The following RASGRP1 variants were observed in gnomAD, a reference collection of about 807,000 sequenced individuals.
The protein encoded by RASGRP1 is RAS guanyl releasing protein 1.
In RASGRP1, 37 loss-of-function variants were observed where a neutral mutation model predicts 95.1. The observed-to-expected ratio is 0.39, with a 90% CI of 0.30 to 0.51. The LOEUF is 0.51. RASGRP1 is among the 20% of genes least tolerant of loss of function. The probability of loss-of-function intolerance (pLI) is 0.80; values close to 1 mark genes in which losing one functional copy is unlikely to be tolerated. For missense variants in RASGRP1, 711 were observed against 965.4 expected, an observed-to-expected ratio of 0.74 and a Z score of 3.49; for synonymous variants, 325 against 353.4, an observed-to-expected ratio of 0.92 and a Z score of 0.90.
At chr15:38,494,790 C>G (rs1191377405) in intron 15 of RASGRP1, 23 bp from the exon 16 acceptor site, 1 of 1,431,482 alleles carries the variant, frequency 7.0e-7, no homozygotes, top group African/African-American at 1.4e-5. Flanking sequence ...ACAGGACATG[C>G]TAGTACTCTA....
chr15:38,558,751 G>A (rs1265476925), intron 2 of RASGRP1, among the ~76,000 whole-genome samples: 1 of 152,228 alleles, frequency 6.6e-6, no homozygotes, highest in Admixed American at 6.5e-5. Context: ...GTTCAATGCT[G>A]TACTACATTG....
At chr15:38,498,405 C>T (rs1396518179) in intron 15 of RASGRP1, among the ~76,000 whole-genome samples, 1 of 152,122 alleles carries the variant, frequency 6.6e-6, no homozygotes, top group Non-Finnish European at 1.5e-5. Context: ...TGTTAATTTA[C>T]ATTATATATA....
At position 38,529,347 on chromosome 15, in the gene RASGRP1, A is replaced by G. The variant is rs1033621813; in HGVS notation, c.221-2943T>C. ...GTCCTGGCCTCTTTAAATATCATCC[A>G]CTTCATTTCATACCACATTGCTCCT... On this transcript the variant is annotated intron_variant, in intron 2 of 16. Transcript: ENST00000310803. 3.8e-4 allele frequency among the ~76,000 whole-genome samples: 58 copies of G among 152,064 alleles called. 1 individual carries two copies. The highest frequency in any genetic ancestry group is 6.3e-3 in the Middle Eastern group (2 of 316).
At chr15:38,540,337 G>C (rs1034647631) in intron 2 of RASGRP1, among the ~76,000 whole-genome samples, 3 of 152,132 alleles carry the variant, frequency 2.0e-5, no homozygotes, top group Non-Finnish European at 4.4e-5. Flanking sequence ...CTACACTGGG[G>C]CCATTTCCTT....
Position 38,494,772 on chromosome 15 carries a change from A to G in RASGRP1, c.1874-5T>C, listed in dbSNP as rs1890733358. ...TAAAAGGTCCTTCCTCAGGTGCTGT[A>G]GGAAGATACAGGACATGCTAGTACT... On this transcript the variant is annotated splice_polypyrimidine_tract_variant and splice_region_variant and intron_variant, in intron 15 of 16. Transcript: ENST00000310803. 1.3e-6 allele frequency: 2 copies of G among 1,489,092 alleles called. No individual in the cohort carries two copies. The highest frequency in any genetic ancestry group is 1.8e-4 in the Middle Eastern group (1 of 5,572). The allele number at this position is 1,489,092 out of a possible 1,614,324, so 92.2% of individuals were successfully genotyped here.
At chr15:38,496,944 G>A (rs1019993120) in intron 15 of RASGRP1, among the ~76,000 whole-genome samples, 25 of 152,160 alleles carry the variant, frequency 1.6e-4, no homozygotes, top group Admixed American at 1.3e-4. Flanking sequence ...CTGTTGTAAC[G>A]ATAGTGGCCT....
Position 38,559,923 on chromosome 15 carries a change from T to C in RASGRP1, c.118A>G (p.Ser40Gly). 1.2e-6 allele frequency: 2 copies of C among 1,613,512 alleles called. No homozygotes were observed. The highest frequency in any genetic ancestry group is 8.5e-7 in the Non-Finnish European group (1 of 1,179,716). Residue 40 changes from serine to glycine, a missense_variant, in exon 2 of 17, where the codon AGC becomes GGC. By Grantham distance (56) the Ser-to-Gly change is moderately conservative. Transcript: ENST00000310803. The stretch of plus-strand genomic sequence containing the variant: ...CGGAACTGGGTGATGTGGGCCAAGC[T>C]GGGATGGGAGGGGAAGGGGCTGTTG... ...PANSPFPSHP[S>G]LAHITQFRMM...
At chr15:38,546,469 G>A (rs763221065) in intron 2 of RASGRP1, among the ~76,000 whole-genome samples, 10 of 152,122 alleles carry the variant, frequency 6.6e-5, no homozygotes, top group Non-Finnish European at 1.0e-4. Flanking sequence ...CTCACGATTC[G>A]CCTGCCACCT....
rs776032506 is a variant in RASGRP1, at chr15:38,526,398, T to A, written c.227A>T (p.Asp76Val). 3.5e-5 allele frequency: 57 copies of A among 1,612,612 alleles called. No individual in the cohort carries two copies. The highest frequency in any genetic ancestry group is 4.7e-5 in the Non-Finnish European group (56 of 1,179,096). Residue 76 changes from aspartate (D) to valine (V), a missense_variant, in exon 3 of 17, where the codon GAT (aspartate) becomes GTT (valine). This residue lies in a region of RASGRP1 where 491 missense variants were observed against 676.6 expected (regional missense o/e 0.73). Coordinates refer to ENST00000310803, the MANE Select transcript of RASGRP1 (RefSeq NM_005739.4). ...TTGGTTACTTCGACACAGGTTTCCA[T>A]CTGCATCTGAAAATATAAAGAGCAG... ...IDSCIQSFDA[D>V]GNLCRSNQLL...
At chr15:38,539,512 T>C (rs1892781701) in intron 2 of RASGRP1, among the ~76,000 whole-genome samples, 1 of 151,878 alleles carries the variant, frequency 6.6e-6, no homozygotes, top group South Asian at 2.1e-4. Flanking sequence ...CATTATGTTT[T>C]AAAGTTATTA....
intron 2 of RASGRP1, among the ~76,000 whole-genome samples, chr15:38,555,332 G>T (rs754038172): frequency 6.6e-6 from 1 of 152,220 alleles, no homozygotes; most frequent in Non-Finnish European, 1.5e-5. Context: ...GCTCAATAGA[G>T]AATATCAGGC....
At chr15:38,515,431 T>C (rs1891720449) in intron 6 of RASGRP1, among the ~76,000 whole-genome samples, 1 of 152,224 alleles carries the variant, frequency 6.6e-6, no homozygotes, top group South Asian at 2.1e-4. Context: ...AGTGAGGGTC[T>C]GTTGGCATCT....
At chr15:38,531,326 C>T (rs72727381) in intron 2 of RASGRP1, among the ~76,000 whole-genome samples, 2,574 of 152,294 alleles carry the variant, frequency 0.017, 33 homozygotes, top group Non-Finnish European at 0.024. Context: ...TGCTGAATCA[C>T]CATTCGTCAG....
intron 2 of RASGRP1, 131 bp downstream of exon 2, chr15:38,559,690 A>G (rs1427736353): frequency 4.1e-6 from 4 of 980,692 alleles, no homozygotes; most frequent in Non-Finnish European, 6.0e-6. Context: ...GACTGTCTCC[A>G]ACATTTCAAA....
chr15:38,540,522 G>A (rs946117540), intron 2 of RASGRP1, among the ~76,000 whole-genome samples: 18 of 152,332 alleles, frequency 1.2e-4, no homozygotes, highest in African/African-American at 4.3e-4. Context: ...GTGGGAAGGC[G>A]ATGGTGAGGA....
In RASGRP1 at chr15:38,518,442, A is replaced by G. The variant is rs1460643527; in HGVS notation, c.390-19T>C. 6.3e-7 allele frequency: 1 copy of G among 1,591,612 alleles called. No individual in the cohort carries two copies. Among genetic ancestry groups the G allele is most frequent in the African/African-American group, 1.3e-5 (1 of 74,486 alleles). The stretch of plus-strand genomic sequence containing the variant: ...CCAATACCTACAAGGAGGGGGTTAA[A>G]AAACACAATCCAAAACTGATACCAA... On this transcript the variant is annotated intron_variant, in intron 4 of 16. Transcript: ENST00000310803.
chr15:38,519,919 G>A (rs1891936796), intron 3 of RASGRP1, among the ~76,000 whole-genome samples: 1 of 152,132 alleles, frequency 6.6e-6, no homozygotes, highest in Non-Finnish European at 1.5e-5. Flanking sequence ...TACACCTAGA[G>A]GATGTCAGTA....
intron 6 of RASGRP1, among the ~76,000 whole-genome samples, chr15:38,514,423 T>C (rs1891677850): frequency 6.6e-6 from 1 of 152,180 alleles, no homozygotes. Flanking sequence ...CCTCCCACTA[T>C]AAATATAACT....
In RASGRP1 at chr15:38,511,606, T is replaced by C. The variant is rs779560450; in HGVS notation, c.964A>G (p.Lys322Glu). 1 of 1,610,780 alleles carries C rather than the reference T, an allele frequency of 6.2e-7. No individual in the cohort carries two copies. Among genetic ancestry groups the C allele is most frequent in the Non-Finnish European group, 8.5e-7 (1 of 1,177,146 alleles). The stretch of plus-strand genomic sequence containing the variant: ...CCAGAGAAGACAGTAGCACTGACCT[T>C]ATTGATTTCATGTGGGACATGCGAA... ...TSSHVPHEIN[K>E]VLGEMTELLS... The change falls in exon 8 of 17, where the codon AAG becomes GAG. Residue 322 changes from lysine to glutamate, a missense_variant and splice_region_variant. By Grantham distance (56) the Lys-to-Glu change is moderately conservative. Transcript: ENST00000310803.
Sources: allele counts gnomAD v4.1 joint callset (sites outside exome capture counted in the v4.1 genomes callset), GRCh38; gene constraint gnomAD v4.1.1; regional missense constraint gnomAD v4.1.1; transcripts MANE v1.5; gene names NCBI Gene and HGNC (gene_info 2026-07-23, HGNC 2026-07-21).